The following KRT36 variants were observed in gnomAD, a reference collection of about 807,000 sequenced individuals.
The protein encoded by KRT36 is keratin 36.
A neutral mutation model predicts 43.0 loss-of-function variants in KRT36; 41 were observed. The ratio of observed to expected loss-of-function variants is 0.95; its 90% CI spans 0.74 to 1.24. KRT36 has a LOEUF of 1.24. KRT36 is among the 50% of genes most tolerant of loss of function. The pLI is 0.00. For synonymous variants in KRT36, 277 were observed against 252.9 expected, an observed-to-expected ratio of 1.10 and a Z score of -0.90; for missense variants, 627 against 595.3, an observed-to-expected ratio of 1.05 and a Z score of -0.55.
chr17:41,488,987 G>A (rs533477111), intron 1 of KRT36, among the ~76,000 whole-genome samples: 3 of 152,308 alleles, frequency 2.0e-5, no homozygotes, highest in African/African-American at 7.2e-5. Context: ...CCTGAGTTCA[G>A]GTTCTGCATC....
chr17:41,486,842 C>G, intron 6 of KRT36, 108 bp downstream of exon 6: 1 of 1,010,988 alleles, frequency 9.9e-7, no homozygotes, highest in Non-Finnish European at 1.4e-6. Context: ...TCTCAAGGGG[C>G]TTTGGTTTAG....
intron 1 of KRT36, 123 bp downstream of exon 1, chr17:41,489,281 GAA>G: frequency 1.9e-6 from 2 of 1,043,686 alleles, no homozygotes; most frequent in Non-Finnish European, 1.4e-6. Flanking sequence ...GCCCTAGAGA[GAA>G]AAGTTTGCCC....
At chr17:41,488,600 AGGGAGTGGCAT>A (rs1177518706) in intron 2 of KRT36, 31 bp downstream of exon 2, 10 of 1,590,680 alleles carry the variant, frequency 6.3e-6, no homozygotes, top group Non-Finnish European at 8.6e-6. Flanking sequence ...GACAGAGGCA[AGGGAGTGGCAT>A]GGCAAACCTT....
chr17:41,489,194 AG>A (rs1228380363), intron 1 of KRT36, among the ~76,000 whole-genome samples: 9 of 151,908 alleles, frequency 5.9e-5, no homozygotes, highest in Non-Finnish European at 1.0e-4. Flanking sequence ...CAGCAAGGGG[AG>A]GGGGGTGAGG....
Position 41,486,517 on chromosome 17 carries a change from A to C in KRT36, c.1263T>G (p.Ser421=). ...AGGGGACACAGGGCACCGGGGGGAC[A>C]GAAGGAACTCTAATAACAGGCTTGC... The part of the protein sequence containing the change: ...TACKPVIRVP[S]VPPVPCVPSV... The change falls in exon 7 of 7, where the codon TCT becomes TCG. Residue 421 remains serine, a synonymous_variant. Coordinates refer to ENST00000328119, the MANE Select transcript of KRT36 (RefSeq NM_003771.5). 6.2e-7 allele frequency: 1 copy of C among 1,608,134 alleles called. No homozygotes were observed. Among genetic ancestry groups the C allele is most frequent in the East Asian group, 2.2e-5 (1 of 44,838 alleles).
Position 41,487,109 on chromosome 17 carries a change from TG to T in KRT36, c.1048del (p.Gln350ArgfsTer5), listed in dbSNP as rs773296832. On this transcript the variant is annotated frameshift_variant, in exon 6 of 7. Transcript: ENST00000328119. LOFTEE classifies it high-confidence loss of function. ...TEARYSSQLA[Q>X]MQCLISNVEA... ...CACGTTGCTGATCAGGCACTGCATCTGGGCCAGCTGGGAGCTGTAGCGGGCC... is the reference window on the plus strand; with the variant it reads ...CACGTTGCTGATCAGGCACTGCATCTGGCCAGCTGGGAGCTGTAGCGGGCC... 3.7e-6 allele frequency: 6 copies of T among 1,614,212 alleles called. No homozygotes were observed. Among genetic ancestry groups the T allele is most frequent in the Non-Finnish European group, 5.1e-6 (6 of 1,180,024 alleles).
chr17:41,489,504 G>T lies in KRT36; in HGVS notation c.361C>A (p.Leu121Met). 6.2e-7 allele frequency: 1 copy of T among 1,614,250 alleles called. No homozygotes were observed. The highest frequency in any genetic ancestry group is 8.5e-7 in the Non-Finnish European group (1 of 1,180,040). ...TACCACTCCTGGATGCGGCTCTCCA[G>T]CTCCGCGTTCTCCCGCTCCAGCTGA... Reference protein sequence around the residue: ...VRQLERENAELESRIQEWYEF... With the variant: ...VRQLERENAEMESRIQEWYEF... Residue 121 changes from leucine to methionine, a missense_variant, in exon 1 of 7, where the codon CTG (leucine) becomes ATG (methionine). Physicochemically the swap from Leu to Met is conservative, Grantham distance 15. Transcript: ENST00000328119.
Position 41,486,280 on chromosome 17 carries a change from C to A in KRT36, c.*96G>T. The stretch of plus-strand genomic sequence containing the variant: ...AAAACCTGCTAAGCGTAGGGGGACC[C>A]CTCTAGAGAAGGGCAGGGTCGTTAA... On this transcript the variant is annotated 3_prime_UTR_variant, in exon 7 of 7. Transcript: ENST00000328119. 1.0e-6 allele frequency: 1 copy of A among 976,308 alleles called. No individual in the cohort carries two copies. The highest frequency in any genetic ancestry group is 2.5e-5 in the East Asian group (1 of 39,798). The allele number at this position is 976,308 out of a possible 1,614,324, so 60.5% of individuals were successfully genotyped here. A position where few individuals can be genotyped will look rare whatever the true frequency, so the allele number is the denominator to read the frequency against.
chr17:41,488,101 G>A, intron 3 of KRT36, 142 bp downstream of exon 3: 1 of 864,586 alleles, frequency 1.2e-6, no homozygotes, highest in Admixed American at 2.6e-5. Flanking sequence ...TATAATTCTT[G>A]GGATTATTGT....
At chr17:41,488,444 A>G (rs1253796303) in intron 2 of KRT36, 45 bp from the exon 3 acceptor site, 1 of 1,600,910 alleles carries the variant, frequency 6.2e-7, no homozygotes, top group Non-Finnish European at 8.5e-7. Context: ...AGGAAACCAC[A>G]CACCAGCAGG....
At position 41,486,344 on chromosome 17, in the gene KRT36, C is replaced by G. The variant is rs750760384; in HGVS notation, c.*32G>C. 1 of 1,602,462 alleles carries G rather than the reference C, an allele frequency of 6.2e-7. No homozygotes were observed. The highest frequency in any genetic ancestry group is 1.3e-5 in the African/African-American group (1 of 74,746). ...ACAGGGGTGTCCTCCTTCCTGTGGT[C>G]AGGGCCCTGCCCTGGTGGACCAAGT... On this transcript the variant is annotated 3_prime_UTR_variant, in exon 7 of 7. Coordinates refer to ENST00000328119, the MANE Select transcript of KRT36 (RefSeq NM_003771.5).
Position 41,487,347 on chromosome 17 carries a change from T to G in KRT36, c.987+4A>C, listed in dbSNP as rs374542748. On this transcript the variant is annotated splice_donor_region_variant and intron_variant, in intron 5 of 6. Coordinates refer to ENST00000328119, the MANE Select transcript of KRT36 (RefSeq NM_003771.5). ...GGCCAGCGACGCAGGCAGGGGCCAC[T>G]CACCATGCTGTGCTGAGCCTGCAGC... 1.2e-6 allele frequency: 2 copies of G among 1,610,392 alleles called. No individual in the cohort carries two copies. The highest frequency in any genetic ancestry group is 8.5e-7 in the Non-Finnish European group (1 of 1,179,452).
At chr17:41,489,147 T>A (rs1467146887) in intron 1 of KRT36, among the ~76,000 whole-genome samples, 4 of 152,136 alleles carry the variant, frequency 2.6e-5, no homozygotes, top group Non-Finnish European at 5.9e-5. Context: ...CAGTGCTGTA[T>A]CCGGTAGGGG....
intron 5 of KRT36, 66 bp downstream of exon 5, chr17:41,487,285 G>A: frequency 1.9e-6 from 3 of 1,581,958 alleles, no homozygotes; most frequent in Non-Finnish European, 1.7e-6. Flanking sequence ...GAGCCTGCAC[G>A]CTGAGGCTGG....
Position 41,487,243 on chromosome 17 carries a change from A to C in KRT36, c.988-73T>G, listed in dbSNP as rs1345242716. ...ACCCCAGAAACCCACAGCCCTGGGCATCTGCCTACGGCCTGTGATCACACC... is the reference window on the plus strand; with the variant it reads ...ACCCCAGAAACCCACAGCCCTGGGCCTCTGCCTACGGCCTGTGATCACACC... On this transcript the variant is annotated intron_variant, in intron 5 of 6. Transcript: ENST00000328119. The C allele has an allele frequency of 1.2e-5, 19 of 1,577,490 alleles. No individual in the cohort carries two copies. The East Asian group carries it at 3.6e-4, about 30-fold the overall frequency.
chr17:41,487,010 T>C lies in KRT36; in HGVS notation c.1148A>G (p.Lys383Arg), dbSNP rs893570736. Residue 383 changes from lysine to arginine, a missense_variant, in exon 6 of 7, where the codon AAG becomes AGG. Coordinates refer to ENST00000328119, the MANE Select transcript of KRT36 (RefSeq NM_003771.5). ...AGCGATCTCGCCCTCCAGCCGGGCC[T>C]TGACGTCCAGTAACACCTGGTACTC... ...NQEYQVLLDV[K>R]ARLEGEIATY... is the part of the protein sequence containing the mutation. The C allele has an allele frequency of 6.2e-7, 1 of 1,614,096 alleles. No individual in the cohort carries two copies. Among genetic ancestry groups the C allele is most frequent in the Non-Finnish European group, 8.5e-7 (1 of 1,180,016 alleles).
In KRT36 at chr17:41,486,940, G is replaced by A. The variant is rs763313037; in HGVS notation, c.1208+10C>T. On this transcript the variant is annotated intron_variant, in intron 6 of 6. Transcript: ENST00000328119. ...CAGTCAAGCCCTACCCCAGCCCAAG[G>A]GCCACTCACTTGCAGTCCTCTCCCT... The A allele has an allele frequency of 5.0e-6, 8 of 1,609,166 alleles. No individual in the cohort carries two copies. Among genetic ancestry groups the A allele is most frequent in the Admixed American group, 3.3e-5 (2 of 59,956 alleles).
At position 41,486,251 on chromosome 17, in the gene KRT36, T is replaced by C. The variant is rs1904376325; in HGVS notation, c.*125A>G. Reference sequence around the variant, plus strand: ...AAACACAATACGGGGAGTGTTTTGGTAGAAAAACCTGCTAAGCGTAGGGGG... The same window carrying C: ...AAACACAATACGGGGAGTGTTTTGGCAGAAAAACCTGCTAAGCGTAGGGGG... On this transcript the variant is annotated 3_prime_UTR_variant, in exon 7 of 7. Coordinates refer to ENST00000328119, the MANE Select transcript of KRT36 (RefSeq NM_003771.5). 1.4e-6 allele frequency: 1 copy of C among 692,752 alleles called. No individual in the cohort carries two copies. 42.9% of individuals were successfully genotyped at this position (692,752 alleles called of 1,614,324 possible). A position where few individuals can be genotyped will look rare whatever the true frequency, so the allele number is the denominator to read the frequency against.
At chr17:41,486,850 T>C in intron 6 of KRT36, 100 bp downstream of exon 6, 3 of 1,108,480 alleles carry the variant, frequency 2.7e-6, no homozygotes, top group Non-Finnish European at 3.9e-6. Flanking sequence ...GGCTTTGGTT[T>C]AGTTCCCTTC....
Sources: allele counts gnomAD v4.1 joint callset (sites outside exome capture counted in the v4.1 genomes callset), GRCh38; gene constraint gnomAD v4.1.1; transcripts MANE v1.5; gene names NCBI Gene and HGNC (gene_info 2026-07-23, HGNC 2026-07-21).